CALN1: variants seen among roughly 807,000 people sequenced by gnomAD.
CALN1 encodes the protein calneuron 1.
In CALN1, 17 loss-of-function variants were observed where a neutral mutation model predicts 30.6. That is an observed-to-expected ratio of 0.56 (90% CI 0.38 to 0.83). The LOEUF (loss-of-function observed/expected upper bound fraction) is 0.83, where lower values mean the gene tolerates loss of function less well. Among genes scored for constraint, CALN1 ranks in the 40% least tolerant of loss-of-function variants. The pLI is 0.00. For missense variants in CALN1, 291 were observed against 354.9 expected (o/e 0.82, Z 1.45); for synonymous variants, 156 against 131.4 (o/e 1.19, Z -1.28).
Position 71,946,346 on chromosome 7 carries a change from G to A in CALN1, c.501+77311C>T, listed in dbSNP as rs960655161. Among the ~76,000 whole-genome samples, 5 of 150,976 alleles carry A rather than the reference G, an allele frequency of 3.3e-5. No homozygotes were observed. In the East Asian group the frequency reaches 9.9e-4, roughly 30 times the overall value. ...CTAAATTTATGTTGCCTTACATCTA[G>A]CGGGTTCCATTTCTTTCTTTCTTTT... On this transcript the variant is annotated intron_variant, in intron 5 of 6. Coordinates refer to ENST00000395275, the MANE Select transcript of CALN1 (RefSeq NM_031468.4).
At chr7:72,166,797 C>T (rs1354054505) in intron 3 of CALN1, among the ~76,000 whole-genome samples, 2 of 152,156 alleles carry the variant, frequency 1.3e-5, no homozygotes, top group African/African-American at 4.8e-5. Context: ...AATCCCAGCA[C>T]TTTGGGAGGC....
At chr7:72,194,431 G>A (rs1790840199) in intron 3 of CALN1, among the ~76,000 whole-genome samples, 1 of 152,080 alleles carries the variant, frequency 6.6e-6, no homozygotes. Flanking sequence ...TCGGGAGGCT[G>A]AGGCAGGAGA....
At chr7:72,362,535 A>C (rs866613811) in intron 2 of CALN1, among the ~76,000 whole-genome samples, 53 of 152,106 alleles carry the variant, frequency 3.5e-4, no homozygotes, top group African/African-American at 1.2e-3. Flanking sequence ...ACTTCCTTTG[A>C]TCTCCAGGTA....
intron 2 of CALN1, among the ~76,000 whole-genome samples, chr7:72,399,816 G>A (rs975680292): frequency 2.0e-5 from 3 of 152,152 alleles, no homozygotes; most frequent in Admixed American, 6.5e-5. Flanking sequence ...GGGGCCTAGT[G>A]GGAGGTGTTT....
At chr7:72,133,268 C>T (rs1228184227) in intron 3 of CALN1, among the ~76,000 whole-genome samples, 1 of 151,982 alleles carries the variant, frequency 6.6e-6, no homozygotes, top group African/African-American at 2.4e-5. Context: ...GTCATGTGAC[C>T]ATCACTTTGA....
chr7:72,082,206 G>A (rs980941240), intron 4 of CALN1, among the ~76,000 whole-genome samples: 4 of 152,056 alleles, frequency 2.6e-5, no homozygotes, highest in Admixed American at 6.6e-5. Context: ...GGCTTATCTC[G>A]AACTCCTGAC....
At chr7:72,362,319 TCCA>T (rs1803621092) in intron 2 of CALN1, among the ~76,000 whole-genome samples, 4 of 152,190 alleles carry the variant, frequency 2.6e-5, no homozygotes, top group Admixed American at 2.6e-4. Flanking sequence ...ATAGAAGATT[TCCA>T]CCATGTACAG....
At chr7:72,154,735 G>T (rs1358676290) in intron 3 of CALN1, among the ~76,000 whole-genome samples, 1 of 152,050 alleles carries the variant, frequency 6.6e-6, no homozygotes, top group African/African-American at 2.4e-5. Context: ...CGATAAGGCT[G>T]GTGTCCTTAA....
chr7:72,456,347 A>G, the CALN1 span, among the ~76,000 whole-genome samples: 512 of 152,046 alleles, frequency 3.4e-3, 2 homozygotes, highest in African/African-American at 0.012. Context: ...ACATAGTAAG[A>G]CCCTGTCTCT....
chr7:72,306,755 T>G (rs1048275808), intron 2 of CALN1, among the ~76,000 whole-genome samples: 2 of 152,228 alleles, frequency 1.3e-5, no homozygotes, highest in African/African-American at 2.4e-5. Context: ...TAAATGTATT[T>G]GATTGATGTC....
At chr7:72,057,721 G>GA (rs71531782) in intron 4 of CALN1, among the ~76,000 whole-genome samples, 33,780 of 150,266 alleles carry the variant, frequency 0.22, 4,629 homozygotes, top group East Asian at 0.62. Flanking sequence ...GACTTATTGG[G>GA]AAAAAAAAAC....
At chr7:71,851,208 A>C (rs868166316) in intron 5 of CALN1, among the ~76,000 whole-genome samples, 8 of 132,170 alleles carry the variant, frequency 6.1e-5, no homozygotes, top group Middle Eastern at 3.9e-3. Context: ...CCTTGTCTCA[A>C]ACACACACAC....
chr7:72,369,619 C>T (rs947933932), intron 2 of CALN1, among the ~76,000 whole-genome samples: 2 of 152,114 alleles, frequency 1.3e-5, no homozygotes, highest in African/African-American at 4.8e-5. Flanking sequence ...CCTCGGCCTC[C>T]CAAAGTGCTG....
chr7:71,852,902 ATTGT>A (rs1238706941), intron 5 of CALN1, among the ~76,000 whole-genome samples: 2 of 151,498 alleles, frequency 1.3e-5, no homozygotes, highest in African/African-American at 4.9e-5. Flanking sequence ...CCTTTACAGG[ATTGT>A]TTGTCTTTTA....
At chr7:71,810,856 C>T (rs1473472638) in intron 5 of CALN1, among the ~76,000 whole-genome samples, 5 of 151,764 alleles carry the variant, frequency 3.3e-5, no homozygotes, top group Non-Finnish European at 4.4e-5. Flanking sequence ...TTATAATTTA[C>T]CAACACTCTG....
At chr7:72,499,238 C>T in the CALN1 span, among the ~76,000 whole-genome samples, 1 of 152,050 alleles carries the variant, frequency 6.6e-6, no homozygotes, top group African/African-American at 2.4e-5. Flanking sequence ...ACCATGTTGG[C>T]CAAGCTGGTC....
chr7:72,396,316 G>A (rs1225472091), intron 2 of CALN1, among the ~76,000 whole-genome samples: 1 of 149,440 alleles, frequency 6.7e-6, no homozygotes, highest in Non-Finnish European at 1.5e-5. Flanking sequence ...CCAGCTACTC[G>A]GAATGCTAAG....
At chr7:72,258,397 G>A (rs1274625058) in intron 3 of CALN1, among the ~76,000 whole-genome samples, 2 of 152,144 alleles carry the variant, frequency 1.3e-5, no homozygotes, top group Non-Finnish European at 2.9e-5. Context: ...TTTAAAATCG[G>A]AGACAGCTAC....
intron 1 of CALN1, among the ~76,000 whole-genome samples, chr7:72,409,064 C>G (rs1806914503): frequency 2.6e-5 from 4 of 151,904 alleles, no homozygotes; most frequent in Admixed American, 2.6e-4. Flanking sequence ...GGCACTATCT[C>G]AGCTTACTGC....
Sources: allele counts gnomAD v4.1 joint callset (sites outside exome capture counted in the v4.1 genomes callset), GRCh38; gene constraint gnomAD v4.1.1; transcripts MANE v1.5; gene names NCBI Gene and HGNC (gene_info 2026-07-23, HGNC 2026-07-21).